Variants in INTS4 observed in about 807,000 individuals in gnomAD.
INTS4 encodes integrator complex subunit 4.
A neutral mutation model predicts 119.5 loss-of-function variants in INTS4; 70 were observed. The observed-to-expected ratio is 0.59, with a 90% CI of 0.48 to 0.71. The LOEUF (loss-of-function observed/expected upper bound fraction) is 0.71, where lower values mean the gene tolerates loss of function less well. INTS4 is among the 30% of genes least tolerant of loss of function. The pLI is 0.00. For missense variants in INTS4, 867 were observed against 1,173.2 expected, an observed-to-expected ratio of 0.74 and a Z score of 3.81; for synonymous variants, 316 against 419.6, an observed-to-expected ratio of 0.75 and a Z score of 3.02.
chr11:77,918,043 G>A (rs1159109832), intron 15 of INTS4: 2 of 698,512 alleles, frequency 2.9e-6, no homozygotes, highest in Non-Finnish European at 5.2e-6. Context: ...TTCTCTTCCT[G>A]TTTCCTTTTC....
chr11:77,889,345 A>G lies in INTS4; in HGVS notation c.2592+1974T>C, dbSNP rs897029623. ...CTCACTCATAGGTGGGAACTGAACA[A>G]TGAGAACACATGGACACAGGAAGGG... On this transcript the variant is annotated intron_variant, in intron 21 of 22. Transcript: ENST00000534064. Among the ~76,000 whole-genome samples the G allele has an allele frequency of 6.2e-4, 90 of 145,698 alleles. 2 individuals carry two copies. Among genetic ancestry groups the G allele is most frequent in the African/African-American group, 2.2e-3 (89 of 39,956 alleles).
intron 8 of INTS4, among the ~76,000 whole-genome samples, chr11:77,947,263 G>C (rs1954071773): frequency 6.6e-6 from 1 of 152,156 alleles, no homozygotes; most frequent in African/African-American, 2.4e-5. Flanking sequence ...CTGAAAACTT[G>C]CCAAGTAGTG....
In INTS4 at chr11:77,905,119, C is replaced by T. The variant is rs574984585; in HGVS notation, c.2017-1499G>A. Among the ~76,000 whole-genome samples, 288 of 152,162 alleles carry T rather than the reference C, an allele frequency of 1.9e-3. 1 individual carries two copies. The highest frequency in any genetic ancestry group is 5.9e-3 in the African/African-American group (247 of 41,520). ...GGAGACTATCTGCCCTCAATGTTGG[C>T]GGGCACCATCCAATCAGCCAGTGGC... On this transcript the variant is annotated intron_variant, in intron 16 of 22. Coordinates refer to ENST00000534064, the MANE Select transcript of INTS4 (RefSeq NM_033547.4).
intron 2 of INTS4, chr11:77,987,603 C>T (rs1047042019): frequency 4.9e-4 from 219 of 448,156 alleles, no homozygotes; most frequent in Non-Finnish European, 8.2e-4. Context: ...TGGTAGCTCA[C>T]GTCTGTAATC....
At chr11:77,941,080 A>C (rs1953918803) in intron 9 of INTS4, 100 bp downstream of exon 9, 1 of 1,480,814 alleles carries the variant, frequency 6.8e-7, no homozygotes, top group Admixed American at 2.5e-5. Flanking sequence ...TATCATGTTA[A>C]TTTAACAAAT....
Position 77,905,477 on chromosome 11 carries a change from A to G in INTS4, c.2017-1857T>C, listed in dbSNP as rs866601716. 8.5e-5 allele frequency among the ~76,000 whole-genome samples: 13 copies of G among 152,144 alleles called. 1 individual carries two copies. Among genetic ancestry groups the G allele is most frequent in the Middle Eastern group, 6.8e-3 (2 of 294 alleles). On this transcript the variant is annotated intron_variant, in intron 16 of 22. Transcript: ENST00000534064. ...CTGTCTCAAAAAAAAAAAAAAGGCA[A>G]TATAGCAAAACGGACTCTCTGGGTT...
At chr11:77,878,560 A>G, downstream of INTS4, 1 of 513,580 alleles carries the variant, frequency 1.9e-6, no homozygotes, top group South Asian at 3.4e-5. Context: ...TGACAAACAC[A>G]CCGTCACTTT....
chr11:77,980,985 T>G (rs1380240441), intron 3 of INTS4, among the ~76,000 whole-genome samples: 1 of 149,694 alleles, frequency 6.7e-6, no homozygotes, highest in Non-Finnish European at 1.5e-5. Flanking sequence ...AGAGCGAGAC[T>G]CCGTTAAAAA....
chr11:77,957,028 G>T (rs11237335), intron 7 of INTS4, among the ~76,000 whole-genome samples: 29,146 of 151,850 alleles, frequency 0.19, 2,838 homozygotes, highest in Middle Eastern at 0.23. Flanking sequence ...TCAACTTCCT[G>T]GGCTCAGGTG....
chr11:77,981,534 C>G lies in INTS4; in HGVS notation c.289G>C (p.Gly97Arg). The G allele has an allele frequency of 6.3e-7, 1 of 1,585,364 alleles. No homozygotes were observed. Among genetic ancestry groups the G allele is most frequent in the Non-Finnish European group, 8.6e-7 (1 of 1,164,574 alleles). ...SVRLKIASLLGLLSKTAGFSP... is the reference protein window; with the variant it reads ...SVRLKIASLLRLLSKTAGFSP... ...AATCCTGCTGTCTTTGATAATAAAC[C>G]CAACAATGATGCAATTTTCAGTCTC... Residue 97 changes from glycine to arginine, a missense_variant, in exon 3 of 23, where the codon GGT becomes CGT. Coordinates refer to ENST00000534064, the MANE Select transcript of INTS4 (RefSeq NM_033547.4).
chr11:77,938,642 C>T lies in INTS4; in HGVS notation c.1165+9G>A. ...AAGAGTGCTATTGCTATTATACAGT[C>T]ATACTTACCATACATCTCATCTTCC... is the stretch of plus-strand genomic sequence containing the variant. On this transcript the variant is annotated intron_variant, in intron 10 of 22. Coordinates refer to ENST00000534064, the MANE Select transcript of INTS4 (RefSeq NM_033547.4). 2 of 1,609,188 alleles carry T rather than the reference C, an allele frequency of 1.2e-6. No individual in the cohort carries two copies. The highest frequency in any genetic ancestry group is 1.7e-6 in the Non-Finnish European group (2 of 1,178,306).
At chr11:77,992,043 C>T (rs932585176) in intron 1 of INTS4, among the ~76,000 whole-genome samples, 16 of 150,792 alleles carry the variant, frequency 1.1e-4, no homozygotes, top group Admixed American at 6.6e-4. Flanking sequence ...AGGCTGGTTT[C>T]GAACTTCTGG....
At chr11:77,960,284 G>A (rs1216989827) in intron 6 of INTS4, 57 bp downstream of exon 6, 10 of 1,249,670 alleles carry the variant, frequency 8.0e-6, no homozygotes, top group South Asian at 6.6e-5. Context: ...CCTGTGTGCC[G>A]CCCTCCCAGC....
At chr11:77,898,536 G>GTT (rs764774661) in intron 18 of INTS4, among the ~76,000 whole-genome samples, 1 of 152,192 alleles carries the variant, frequency 6.6e-6, no homozygotes, top group Non-Finnish European at 1.5e-5. Context: ...CTTAGATCAT[G>GTT]TTTATCTATT....
chr11:77,920,838 C>A (rs969843661), intron 14 of INTS4, among the ~76,000 whole-genome samples: 6 of 151,572 alleles, frequency 4.0e-5, no homozygotes, highest in Non-Finnish European at 7.4e-5. Context: ...GGCGACAGAG[C>A]AAGACTCCGT....
chr11:77,892,004 G>A (rs1418009470), intron 19 of INTS4, among the ~76,000 whole-genome samples, 164 bp from the exon 20 acceptor site: 2 of 152,174 alleles, frequency 1.3e-5, no homozygotes, highest in African/African-American at 4.8e-5. Context: ...TCATGCCTCA[G>A]TCACATGATC....
At chr11:77,943,852 G>A (rs950374716) in intron 8 of INTS4, among the ~76,000 whole-genome samples, 3 of 152,208 alleles carry the variant, frequency 2.0e-5, no homozygotes, top group Non-Finnish European at 4.4e-5. Flanking sequence ...AATAACATAA[G>A]TCTATGCAAC....
intron 21 of INTS4, among the ~76,000 whole-genome samples, chr11:77,887,273 A>C (rs991972326): frequency 1.3e-5 from 2 of 152,164 alleles, no homozygotes; most frequent in Admixed American, 1.3e-4. Context: ...TCAACATACG[A>C]AAATCAATAA....
At chr11:77,975,168 G>C (rs188161536) in intron 4 of INTS4, among the ~76,000 whole-genome samples, 249 of 151,152 alleles carry the variant, frequency 1.6e-3, no homozygotes, top group Non-Finnish European at 2.5e-3. Context: ...AGCATCTTAA[G>C]TTGGAAGGTT....
Sources: allele counts gnomAD v4.1 joint callset (sites outside exome capture counted in the v4.1 genomes callset), GRCh38; gene constraint gnomAD v4.1.1; transcripts MANE v1.5; gene names NCBI Gene and HGNC (gene_info 2026-07-23, HGNC 2026-07-21).